RAD51C: variants seen among roughly 807,000 people sequenced by gnomAD.
RAD51C encodes DNA repair protein RAD51 homolog 3.
RAD51C carries 42 observed loss-of-function variants against 45.0 expected under a neutral mutation model. The observed-to-expected ratio is 0.93, with a 90% confidence interval of 0.73 to 1.21. The LOEUF is 1.21. Among genes scored for constraint, RAD51C ranks in the 50% most tolerant of loss-of-function variants. RAD51C has a pLI of 0.00. For synonymous variants in RAD51C, 172 were observed against 159.8 expected (o/e 1.08, Z -0.58); for missense variants, 474 against 452.2 (o/e 1.05, Z -0.44).
chr17:58,733,342 C>T (rs1170684739), intron 8 of RAD51C, among the ~76,000 whole-genome samples: 2 of 151,836 alleles, frequency 1.3e-5, no homozygotes, highest in African/African-American at 4.8e-5. Context: ...ACAACAAAAA[C>T]AGAAATAGAG....
intron 4 of RAD51C, among the ~76,000 whole-genome samples, chr17:58,705,515 G>A (rs986265879): frequency 9.9e-5 from 15 of 152,054 alleles, no homozygotes; most frequent in African/African-American, 3.6e-4. Context: ...TGTATTTTTA[G>A]TAGAGACAGG....
intron 1 of RAD51C, 24 bp from the exon 2 acceptor site, chr17:58,694,907 C>G: frequency 6.3e-7 from 1 of 1,578,544 alleles, no homozygotes. Flanking sequence ...AATTAGGGTT[C>G]TTTTTTTCTT....
intron 6 of RAD51C, among the ~76,000 whole-genome samples, chr17:58,721,293 T>A (rs1459782429): frequency 6.6e-6 from 1 of 151,784 alleles, no homozygotes; most frequent in Non-Finnish European, 1.5e-5. Flanking sequence ...AAATTGCGTA[T>A]CTACTGTCTG....
chr17:58,731,069 A>G (rs1433427601), intron 7 of RAD51C, among the ~76,000 whole-genome samples: 1 of 152,158 alleles, frequency 6.6e-6, no homozygotes, highest in African/African-American at 2.4e-5. Flanking sequence ...TTCACTTAGT[A>G]TAATGTCTTC....
rs1469087959 is a variant in RAD51C at position 58,735,351 on chromosome 17, A to AT, written c.*1130dup. 1.3e-5 allele frequency: 2 copies of AT among 151,988 alleles called. No individual in the cohort carries two copies. Among genetic ancestry groups the AT allele is most frequent in the African/African-American group, 4.8e-5 (2 of 41,340 alleles). 9.4% of individuals were successfully genotyped at this position (151,988 alleles called of 1,614,324 possible). A position where few individuals can be genotyped will look rare whatever the true frequency, so the allele number is the denominator to read the frequency against. On this transcript the variant is annotated 3_prime_UTR_variant, in exon 9 of 9. Coordinates refer to ENST00000337432, the MANE Select transcript of RAD51C (RefSeq NM_058216.3). Reference sequence around the variant, plus strand: ...GCTGGGACTACAGGGAGGCACTACCATGCCCTGCTAATTTTTGGATTTTTT... The same window carrying AT: ...GCTGGGACTACAGGGAGGCACTACCATTGCCCTGCTAATTTTTGGATTTTTT...
At chr17:58,693,000 T>C (rs2047837824) in intron 1 of RAD51C, 1 of 662,590 alleles carries the variant, frequency 1.5e-6, no homozygotes, top group Admixed American at 2.9e-5. Context: ...ACTAATTGCT[T>C]TTCCTCTGGC....
Position 58,694,984 on chromosome 17 carries a change from G to C in RAD51C, c.199G>C (p.Glu67Gln), listed in dbSNP as rs1567785872. ...AGAAACTCTGCAAATTATCAGAAGA[G>C]AATGTCTCACAAATAAACCAAGATA... Reference protein sequence around the residue: ...ALETLQIIRRECLTNKPRYAG... With the variant: ...ALETLQIIRRQCLTNKPRYAG... The change falls in exon 2 of 9, where the codon GAA (glutamate) becomes CAA (glutamine). Residue 67 changes from glutamate to glutamine, a missense_variant. By Grantham distance (29) the Glu-to-Gln change is conservative. Coordinates refer to ENST00000337432, the MANE Select transcript of RAD51C (RefSeq NM_058216.3). 1 of 1,614,108 alleles carries C rather than the reference G, an allele frequency of 6.2e-7. No individual in the cohort carries two copies. The highest frequency in any genetic ancestry group is 2.2e-5 in the East Asian group (1 of 44,874).
At chr17:58,695,402 C>T in intron 2 of RAD51C, 1 of 1,300,240 alleles carries the variant, frequency 7.7e-7, no homozygotes. Context: ...AAAAGTGTTT[C>T]TTTTGCAAAT....
At chr17:58,718,476 A>G (rs1242321477) in intron 5 of RAD51C, among the ~76,000 whole-genome samples, 1 of 152,220 alleles carries the variant, frequency 6.6e-6, no homozygotes, top group African/African-American at 2.4e-5. Context: ...GGGGATGGAA[A>G]GATAACAGAT....
rs555974960 is a variant in RAD51C at position 58,708,704 on chromosome 17, G to T, written c.706-1155G>T. 4.5e-4 allele frequency among the ~76,000 whole-genome samples: 69 copies of T among 151,692 alleles called. 2 individuals are homozygous for T. The South Asian group carries it at 0.014, about 31-fold the overall frequency. ...CTTCACTGTTTATTTTTTGCTTTGG[G>T]GGGGGCTTTCTTTTGAAAGGGTTTT... On this transcript the variant is annotated intron_variant, in intron 4 of 8. Coordinates refer to ENST00000337432, the MANE Select transcript of RAD51C (RefSeq NM_058216.3).
Position 58,732,500 on chromosome 17 carries a change from A to G in RAD51C, c.982A>G (p.Lys328Glu), listed in dbSNP as rs1555605064. 3.1e-6 allele frequency: 5 copies of G among 1,613,174 alleles called. No individual in the cohort carries two copies. The highest frequency in any genetic ancestry group is 4.2e-6 in the Non-Finnish European group (5 of 1,179,438). The change falls in exon 8 of 9, where the codon AAG (lysine) becomes GAG (glutamate). Residue 328 changes from lysine (K) to glutamate (E), a missense_variant. Lys to Glu is a moderately conservative substitution (Grantham distance 56). Coordinates refer to ENST00000337432, the MANE Select transcript of RAD51C (RefSeq NM_058216.3). ...DRKQRLATLY[K>E]SPSQKECTVL... ...TTTAAGCAGGTTGGCAACATTGTAC[A>G]AGTCACCCAGCCAGAAGGAATGCAC... is the stretch of plus-strand genomic sequence containing the variant.
At chr17:58,716,788 T>G (rs1367324784) in intron 5 of RAD51C, among the ~76,000 whole-genome samples, 1 of 147,558 alleles carries the variant, frequency 6.8e-6, no homozygotes, top group Non-Finnish European at 1.5e-5. Flanking sequence ...TTTTTTTTTT[T>G]AAGACGGAGT....
chr17:58,707,290 G>A (rs1349517311), intron 4 of RAD51C, among the ~76,000 whole-genome samples: 2 of 152,110 alleles, frequency 1.3e-5, no homozygotes, highest in Non-Finnish European at 2.9e-5. Context: ...AGGCTGAGGT[G>A]GGCGGATTGC....
At chr17:58,719,287 A>T (rs2048837987) in intron 5 of RAD51C, among the ~76,000 whole-genome samples, 1 of 151,984 alleles carries the variant, frequency 6.6e-6, no homozygotes, top group South Asian at 2.1e-4. Context: ...ATCATGGCTC[A>T]CTGCTGCTTC....
intron 2 of RAD51C, 27 bp from the exon 3 acceptor site, chr17:58,696,666 G>A: frequency 6.2e-7 from 1 of 1,613,914 alleles, no homozygotes; most frequent in South Asian, 1.1e-5. Context: ...ATCATGATTT[G>A]GTTGTTTGTC....
At chr17:58,720,156 G>A (rs1025338990) in intron 5 of RAD51C, among the ~76,000 whole-genome samples, 1 of 150,638 alleles carries the variant, frequency 6.6e-6, no homozygotes, top group East Asian at 2.1e-4. Context: ...GCTCACACCT[G>A]TAATACCAGC....
At chr17:58,724,668 T>C (rs2049051624) in intron 7 of RAD51C, among the ~76,000 whole-genome samples, 1 of 152,166 alleles carries the variant, frequency 6.6e-6, no homozygotes, top group Non-Finnish European at 1.5e-5. Flanking sequence ...ATGAAATCTT[T>C]GTATTTGTTT....
At chr17:58,730,855 C>G (rs1598530402) in intron 7 of RAD51C, among the ~76,000 whole-genome samples, 1 of 152,106 alleles carries the variant, frequency 6.6e-6, no homozygotes, top group Non-Finnish European at 1.5e-5. Context: ...TAGGTACATT[C>G]ATATTGTGCA....
intron 2 of RAD51C, among the ~76,000 whole-genome samples, chr17:58,695,621 A>G (rs1190572657): frequency 6.6e-6 from 1 of 152,070 alleles, no homozygotes; most frequent in Non-Finnish European, 1.5e-5. Context: ...CCTCGTCTCT[A>G]CTAAAAATGG....
Sources: gnomAD v4.1 joint callset for allele counts (sites outside exome capture counted in the v4.1 genomes callset) on GRCh38, gnomAD v4.1.1 for gene constraint, MANE v1.5 for transcripts, NCBI Gene and HGNC (gene_info 2026-07-23, HGNC 2026-07-21) for gene names.